PCDH7: variants seen among roughly 807,000 people sequenced by gnomAD.
The protein encoded by PCDH7 is protocadherin-7.
A neutral mutation model predicts 58.9 loss-of-function variants in PCDH7; 17 were observed. The ratio of observed to expected loss-of-function variants is 0.29; its 90% CI spans 0.20 to 0.43. The LOEUF (loss-of-function observed/expected upper bound fraction) is 0.43, where lower values mean the gene tolerates loss of function less well. PCDH7 is among the 20% of genes least tolerant of loss of function. The probability of loss-of-function intolerance (pLI) is 1.00; values close to 1 mark genes in which losing one functional copy is unlikely to be tolerated. For synonymous variants in PCDH7, 664 were observed against 616.4 expected, an observed-to-expected ratio of 1.08 and a Z score of -1.14; for missense variants, 1,274 against 1,441.0, an observed-to-expected ratio of 0.88 and a Z score of 1.88.
chr4:30,941,774 T>G (rs1228463181), intron 2 of PCDH7, among the ~76,000 whole-genome samples: 1 of 151,940 alleles, frequency 6.6e-6, no homozygotes, highest in East Asian at 1.9e-4. Flanking sequence ...TATCTAATAC[T>G]AAGTTTAGCT....
At chr4:30,942,932 C>A (rs1746228498) in intron 2 of PCDH7, among the ~76,000 whole-genome samples, 1 of 149,500 alleles carries the variant, frequency 6.7e-6, no homozygotes, top group Admixed American at 6.7e-5. Flanking sequence ...CTACTCTTTA[C>A]ACATTTCATT....
intron 3 of PCDH7, among the ~76,000 whole-genome samples, chr4:31,081,956 A>G (rs1453905536): frequency 6.6e-6 from 1 of 152,062 alleles, no homozygotes; most frequent in Non-Finnish European, 1.5e-5. Flanking sequence ...TAATTTTAGT[A>G]GAGACAGGGT....
chr4:31,142,789 A>T (rs1405332074), exon 4 of PCDH7: 2 of 1,366,706 alleles, frequency 1.5e-6, no homozygotes, highest in African/African-American at 3.0e-5. Flanking sequence ...CCCTTACAAA[A>T]ACAGGGGAAT....
chr4:31,113,617 T>G (rs1716605084), intron 3 of PCDH7, among the ~76,000 whole-genome samples: 1 of 152,142 alleles, frequency 6.6e-6, no homozygotes, highest in Admixed American at 6.5e-5. Context: ...AAAGCTTACT[T>G]AAATAAAATA....
intron 3 of PCDH7, among the ~76,000 whole-genome samples, chr4:31,094,255 T>G (rs1713650203): frequency 6.6e-6 from 1 of 152,158 alleles, no homozygotes; most frequent in African/African-American, 2.4e-5. Context: ...CAAATATTTG[T>G]ATTTGTGCAG....
intron 1 of PCDH7, among the ~76,000 whole-genome samples, chr4:30,879,004 G>T (rs1166139652): frequency 6.6e-6 from 1 of 152,040 alleles, no homozygotes; most frequent in Non-Finnish European, 1.5e-5. Context: ...AAATATCCAA[G>T]TATATCCTCT....
intron 3 of PCDH7, among the ~76,000 whole-genome samples, chr4:30,989,367 T>C (rs1221743984): frequency 1.3e-5 from 2 of 152,216 alleles, no homozygotes; most frequent in African/African-American, 4.8e-5. Flanking sequence ...CACTAGTACA[T>C]ATAGCTATAT....
intron 1 of PCDH7, among the ~76,000 whole-genome samples, chr4:30,915,441 T>C (rs142322045): frequency 8.3e-4 from 126 of 152,306 alleles, no homozygotes; most frequent in African/African-American, 2.8e-3. Flanking sequence ...TTTGATCACA[T>C]AGGATTGCCT....
chr4:30,954,267 CT>C (rs1275367694), intron 3 of PCDH7, among the ~76,000 whole-genome samples: 2 of 152,086 alleles, frequency 1.3e-5, no homozygotes, highest in Non-Finnish European at 2.9e-5. Context: ...TGCCACATGC[CT>C]TTTTGCTGAC....
chr4:30,762,177 A>G (rs79463805), intron 1 of PCDH7, among the ~76,000 whole-genome samples: 3,561 of 152,332 alleles, frequency 0.023, 216 homozygotes, highest in East Asian at 0.22. Flanking sequence ...AGAATCGGCT[A>G]TAAAAGCTGT....
At position 30,723,962 on chromosome 4, in the gene PCDH7, C is replaced by T; in HGVS notation, c.2540C>T (p.Thr847Ile). 2 of 1,614,176 alleles carry T rather than the reference C, an allele frequency of 1.2e-6. No homozygotes were observed. The highest frequency in any genetic ancestry group is 1.3e-5 in the African/African-American group (1 of 75,042). The change falls in exon 1 of 2, where the codon ACT becomes ATT. Residue 847 changes from threonine (T) to isoleucine (I), a missense_variant. Thr to Ile is a moderately conservative substitution (Grantham distance 89). This residue lies in a region of PCDH7 where 731 missense variants were observed against 881.9 expected (regional missense o/e 0.83). Transcript: ENST00000361762. This position sits in a 1 kb window ranked among gnomAD's most constrained non-coding sequence, Gnocchi z 4.6. ...GTCAATGAAAGTGTTTCTAATGCAA[C>T]TGCGATTGACTCCCAGATAGCTAGA...
At chr4:31,139,396 AG>A (rs1560261710) in intron 3 of PCDH7, among the ~76,000 whole-genome samples, 1 of 152,232 alleles carries the variant, frequency 6.6e-6, no homozygotes, top group Admixed American at 6.5e-5. Flanking sequence ...ACAGTACTAA[AG>A]CATAAAATAA....
intron 3 of PCDH7, among the ~76,000 whole-genome samples, chr4:31,090,646 A>G (rs1399972621): frequency 2.6e-5 from 4 of 152,110 alleles, no homozygotes; most frequent in African/African-American, 9.7e-5. Context: ...TAATTCGGAT[A>G]TATAATCTAA....
In PCDH7 at chr4:30,721,719, T is replaced by A; in HGVS notation, c.297T>A (p.Cys99Ter). ...TCGACCGCGAGAAGCTGCCCCAGTG[T>A]CAGATGATCTTCGACGAGAACGAGT... Residue 99 changes from cysteine to a stop codon, truncating the protein, a stop_gained, in exon 1 of 2, where the codon TGT becomes TGA. Coordinates refer to ENST00000361762, the Ensembl canonical transcript of PCDH7. LOFTEE classifies it high-confidence loss of function. This position sits in a 1 kb window ranked among gnomAD's most constrained non-coding sequence, Gnocchi z 6.7. The A allele has an allele frequency of 6.2e-7, 1 of 1,613,786 alleles. No homozygotes were observed. The highest frequency in any genetic ancestry group is 8.5e-7 in the Non-Finnish European group (1 of 1,179,972).
chr4:30,920,431 G>C, intron 2 of PCDH7, 62 bp downstream of exon 2: 1 of 1,209,764 alleles, frequency 8.3e-7, no homozygotes, highest in Non-Finnish European at 1.1e-6. Context: ...AAGTAGACTC[G>C]CGAAGGTCAG....
At chr4:31,142,442 A>G (rs745405859) in intron 3 of PCDH7, 31 bp from the exon 3 acceptor site, 4 of 1,350,136 alleles carry the variant, frequency 3.0e-6, no homozygotes, top group Admixed American at 2.0e-5. Context: ...GGAGTGTCAA[A>G]TACTAATGGC....
intron 3 of PCDH7, among the ~76,000 whole-genome samples, chr4:31,111,955 C>T (rs564635259): frequency 6.6e-6 from 1 of 152,228 alleles, no homozygotes; most frequent in South Asian, 2.1e-4. Flanking sequence ...TGTGATCCAT[C>T]TCTAAAATGG....
chr4:30,905,652 G>T (rs566658252), intron 1 of PCDH7, among the ~76,000 whole-genome samples: 24 of 152,258 alleles, frequency 1.6e-4, no homozygotes, highest in East Asian at 7.7e-4. Flanking sequence ...ATGTCATTGT[G>T]AAGATAGTAT....
intron 3 of PCDH7, among the ~76,000 whole-genome samples, chr4:31,121,699 T>A (rs1717710932): frequency 6.6e-6 from 1 of 152,154 alleles, no homozygotes; most frequent in South Asian, 2.1e-4. Context: ...AACAGCTCAG[T>A]GGTAGAAGAA....
Sources: gnomAD v4.1 joint callset for allele counts (sites outside exome capture counted in the v4.1 genomes callset) on GRCh38, gnomAD v4.1.1 for gene constraint, gnomAD v4.1.1 regional missense constraint, Gnocchi (gnomAD v3.1) non-coding constraint, MANE v1.5 for transcripts, NCBI Gene and HGNC (gene_info 2026-07-23, HGNC 2026-07-21) for gene names.